PCDH15: variants seen among roughly 807,000 people sequenced by gnomAD.
PCDH15 encodes the protein protocadherin related 15.
PCDH15 carries 129 observed loss-of-function variants against 178.5 expected under a neutral mutation model. That is an observed-to-expected ratio of 0.72 (90% CI 0.63 to 0.84). PCDH15 has a LOEUF of 0.84. Ranked by LOEUF, PCDH15 falls within the 40% of genes least tolerant of loss-of-function variation. PCDH15 has a pLI of 0.00. For synonymous variants in PCDH15, 800 were observed against 732.0 expected (o/e 1.09, Z -1.50); for missense variants, 2,230 against 2,099.9 (o/e 1.06, Z -1.21).
intron 15 of PCDH15, among the ~76,000 whole-genome samples, chr10:54,093,295 C>A (rs2094633726): frequency 6.6e-6 from 1 of 152,094 alleles, no homozygotes; most frequent in South Asian, 2.1e-4. Context: ...TTCCTTTCTT[C>A]ATTTTTATCT....
At chr10:55,444,295 A>AC (rs1839266970) in intron 2 of PCDH15, among the ~76,000 whole-genome samples, 1 of 151,250 alleles carries the variant, frequency 6.6e-6, no homozygotes, top group Non-Finnish European at 1.5e-5. Context: ...AAAAAAAAAA[A>AC]AGAAAACAAG....
chr10:54,007,538 T>C (rs568829012), intron 20 of PCDH15, among the ~76,000 whole-genome samples: 159 of 152,246 alleles, frequency 1.0e-3, no homozygotes, highest in African/African-American at 3.6e-3. Context: ...TTCTATAAAA[T>C]CTTTTCAAGA....
intron 25 of PCDH15, among the ~76,000 whole-genome samples, chr10:53,911,881 G>T (rs1232048874): frequency 6.6e-6 from 1 of 152,146 alleles, no homozygotes; most frequent in Non-Finnish European, 1.5e-5. Flanking sequence ...AGAGGAGCTG[G>T]TACCATTCCT....
chr10:55,157,126 T>C (rs1838910861), intron 2 of PCDH15, among the ~76,000 whole-genome samples: 1 of 35,510 alleles, frequency 2.8e-5, no homozygotes, highest in Non-Finnish European at 1.2e-4. Context: ...ATTCTATCTA[T>C]ATCTATCTAT....
chr10:54,670,806 C>T (rs560834684), intron 1 of PCDH15, among the ~76,000 whole-genome samples: 17 of 152,196 alleles, frequency 1.1e-4, no homozygotes, highest in Middle Eastern at 3.4e-3. Context: ...CACTAAGCTT[C>T]TACTATAGAA....
Position 53,811,577 on chromosome 10 carries a change from C to A in PCDH15, c.4534G>T (p.Gly1512Ter). Residue 1512 changes from glycine to a stop codon, truncating the protein, a stop_gained, in exon 36 of 38, where the codon GGA (glycine) becomes TGA (stop). Transcript: ENST00000644397. LOFTEE classifies it high-confidence loss of function. ...ESGIDPGQEY[G>*]QDYYSYEHGY... is the part of the protein sequence containing the mutation. The stretch of plus-strand genomic sequence containing the variant: ...TGCTCATAACTGTAATAATCTTGTC[C>A]ATATTCCTGGCCAGGATCAATTCCA... The A allele has an allele frequency of 6.4e-7, 1 of 1,571,290 alleles. No homozygotes were observed. The highest frequency in any genetic ancestry group is 8.6e-7 in the Non-Finnish European group (1 of 1,158,526).
At chr10:54,877,973 T>G (rs1954181369) in intron 3 of PCDH15, among the ~76,000 whole-genome samples, 4 of 66,386 alleles carry the variant, frequency 6.0e-5, no homozygotes, top group Non-Finnish European at 9.2e-5. Flanking sequence ...TTTTTTTTTT[T>G]TTTTGTTGAA....
intron 18 of PCDH15, among the ~76,000 whole-genome samples, chr10:54,045,639 A>C (rs74135772): frequency 0.086 from 13,117 of 152,062 alleles, 1,063 homozygotes; most frequent in African/African-American, 0.21. Context: ...AGTCAGTGGG[A>C]AATATATATA....
intron 25 of PCDH15, among the ~76,000 whole-genome samples, chr10:53,930,985 G>A (rs2085011086): frequency 6.6e-6 from 1 of 152,124 alleles, no homozygotes; most frequent in African/African-American, 2.4e-5. Flanking sequence ...GGTCAATATG[G>A]GAGTAAAGGA....
chr10:55,325,233 T>C (rs1195714040), intron 2 of PCDH15, among the ~76,000 whole-genome samples: 1 of 152,070 alleles, frequency 6.6e-6, no homozygotes, highest in Non-Finnish European at 1.5e-5. Flanking sequence ...TTAAAATTCA[T>C]ATGGAACCAA....
chr10:54,804,950 C>A (rs866697806), upstream of PCDH15, among the ~76,000 whole-genome samples: 9 of 11,666 alleles, frequency 7.7e-4, no homozygotes, highest in East Asian at 5.1e-3. Context: ...TATATATATA[C>A]AGAGTTTGCT....
At chr10:55,566,934 A>T (rs993843436) in intron 2 of PCDH15, among the ~76,000 whole-genome samples, 7 of 152,032 alleles carry the variant, frequency 4.6e-5, no homozygotes, top group Admixed American at 2.6e-4. Flanking sequence ...CAAAAAACTC[A>T]TCCTAAAATT....
chr10:53,873,938 C>T (rs913585115), intron 26 of PCDH15, among the ~76,000 whole-genome samples: 11 of 152,142 alleles, frequency 7.2e-5, no homozygotes, highest in Admixed American at 3.3e-4. Flanking sequence ...TGAACCAGGA[C>T]GGCCTCGCTA....
At chr10:53,953,887 T>G (rs1282099487) in intron 23 of PCDH15, among the ~76,000 whole-genome samples, 2 of 152,166 alleles carry the variant, frequency 1.3e-5, no homozygotes, top group African/African-American at 2.4e-5. Flanking sequence ...CCTCTTGGGT[T>G]CATGCCATTC....
At chr10:55,300,157 C>T (rs962540406) in intron 1 of PCDH15, among the ~76,000 whole-genome samples, 1 of 152,110 alleles carries the variant, frequency 6.6e-6, no homozygotes, top group Non-Finnish European at 1.5e-5. Flanking sequence ...AGAGTTTACC[C>T]TACATTAGCC....
intron 23 of PCDH15, among the ~76,000 whole-genome samples, chr10:53,946,866 C>T (rs2086618666): frequency 6.6e-6 from 1 of 152,160 alleles, no homozygotes; most frequent in Non-Finnish European, 1.5e-5. Flanking sequence ...CAACCTGTGG[C>T]TCCCACGTTC....
intron 29 of PCDH15, among the ~76,000 whole-genome samples, chr10:53,836,056 C>G (rs2077288354): frequency 6.6e-6 from 1 of 152,074 alleles, no homozygotes; most frequent in African/African-American, 2.4e-5. Flanking sequence ...ATCCCTGGTG[C>G]TCAGGCAAAG....
chr10:54,456,482 T>C (rs753782367), intron 3 of PCDH15, among the ~76,000 whole-genome samples: 8 of 152,170 alleles, frequency 5.3e-5, no homozygotes, highest in Non-Finnish European at 1.2e-4. Context: ...AATGACTGTA[T>C]CCCCATTGTA....
intron 13 of PCDH15, among the ~76,000 whole-genome samples, chr10:54,177,185 A>C (rs2133716980): frequency 6.6e-6 from 1 of 152,292 alleles, no homozygotes; most frequent in Middle Eastern, 3.4e-3. Flanking sequence ...TGACAAGGCT[A>C]CATACTATAT....
Sources: gnomAD v4.1 joint callset for allele counts (sites outside exome capture counted in the v4.1 genomes callset) on GRCh38, gnomAD v4.1.1 for gene constraint, MANE v1.5 for transcripts, NCBI Gene and HGNC (gene_info 2026-07-23, HGNC 2026-07-21) for gene names.